The following LRBA variants were observed in gnomAD, a reference collection of about 807,000 sequenced individuals.
LRBA encodes lipopolysaccharide-responsive and beige-like anchor protein.
Under a neutral mutation model 330.0 loss-of-function variants are expected in LRBA, and 176 were observed. The observed-to-expected ratio is 0.53, with a 90% CI of 0.47 to 0.60. LRBA has a LOEUF of 0.60. Ranked by LOEUF, LRBA falls within the 20% of genes least tolerant of loss-of-function variation. LRBA has a pLI of 0.00. For synonymous variants in LRBA, 1,230 were observed against 1,193.0 expected, an observed-to-expected ratio of 1.03 and a Z score of -0.64; for missense variants, 3,259 against 3,444.8, an observed-to-expected ratio of 0.95 and a Z score of 1.35.
At chr4:150,563,253 CA>C (rs1720143337) in intron 40 of LRBA, among the ~76,000 whole-genome samples, 2 of 152,192 alleles carry the variant, frequency 1.3e-5, no homozygotes, top group Middle Eastern at 3.4e-3. Flanking sequence ...TGTTTTTACA[CA>C]AATCAATAAA....
At chr4:150,335,603 G>A (rs1451806663) in intron 48 of LRBA, among the ~76,000 whole-genome samples, 3 of 151,002 alleles carry the variant, frequency 2.0e-5, no homozygotes, top group African/African-American at 7.3e-5. Flanking sequence ...CACATACTAA[G>A]CTATCAGTAA....
chr4:150,292,900 C>G (rs542601316), intron 53 of LRBA, among the ~76,000 whole-genome samples: 1 of 152,148 alleles, frequency 6.6e-6, no homozygotes, highest in South Asian at 2.1e-4. Context: ...CAATAATTAA[C>G]ATGCTTAAAG....
At chr4:150,948,888 G>T (rs975560058) in intron 2 of LRBA, among the ~76,000 whole-genome samples, 2 of 151,764 alleles carry the variant, frequency 1.3e-5, no homozygotes, top group African/African-American at 4.8e-5. Context: ...GACCACAGTG[G>T]ATATCACTAT....
At chr4:150,812,939 C>T (rs761504999) in intron 31 of LRBA, among the ~76,000 whole-genome samples, 2 of 152,048 alleles carry the variant, frequency 1.3e-5, no homozygotes, top group Non-Finnish European at 2.9e-5. Flanking sequence ...GGAAGGATCA[C>T]TTGAAGCCAG....
intron 37 of LRBA, among the ~76,000 whole-genome samples, chr4:150,657,732 C>A (rs1780351761): frequency 6.6e-6 from 1 of 151,942 alleles, no homozygotes; most frequent in African/African-American, 2.4e-5. Context: ...TATTAAAAAA[C>A]TGAGATTTTT....
intron 36 of LRBA, 48 bp downstream of exon 36, chr4:150,735,210 T>C (rs537930090): frequency 7.7e-7 from 1 of 1,303,908 alleles, no homozygotes; most frequent in South Asian, 1.2e-5. Context: ...CTCATGATTA[T>C]CATTAAAAAA....
chr4:150,492,479 T>C (rs937124638), intron 40 of LRBA, among the ~76,000 whole-genome samples: 21 of 152,122 alleles, frequency 1.4e-4, no homozygotes, highest in Admixed American at 7.2e-4. Context: ...CTCTCAGAGA[T>C]TGCATGTATC....
intron 36 of LRBA, among the ~76,000 whole-genome samples, chr4:150,706,022 A>T (rs1162308493): frequency 6.6e-6 from 1 of 152,044 alleles, no homozygotes; most frequent in Admixed American, 6.6e-5. Flanking sequence ...TATCTGCAGA[A>T]GATGTGAGTG....
intron 34 of LRBA, among the ~76,000 whole-genome samples, chr4:150,781,417 C>T (rs980196196): frequency 4.6e-5 from 7 of 152,132 alleles, no homozygotes; most frequent in Non-Finnish European, 7.4e-5. Flanking sequence ...ATTCTAATGC[C>T]GCTGCTGATC....
At chr4:150,893,726 A>G (rs1474404530) in intron 16 of LRBA, among the ~76,000 whole-genome samples, 2 of 151,684 alleles carry the variant, frequency 1.3e-5, no homozygotes, top group African/African-American at 4.8e-5. Flanking sequence ...CCCAGGCTGG[A>G]GTTCAGTGGC....
At chr4:150,389,176 G>T (rs1056498152) in intron 47 of LRBA, among the ~76,000 whole-genome samples, 3 of 151,876 alleles carry the variant, frequency 2.0e-5, no homozygotes, top group Non-Finnish European at 4.4e-5. Context: ...GTAAATTTAG[G>T]GCTAGGAAAA....
intron 21 of LRBA, 78 bp from the exon 22 acceptor site, chr4:150,867,941 T>C: frequency 8.2e-7 from 1 of 1,216,950 alleles, no homozygotes; most frequent in Non-Finnish European, 1.1e-6. Context: ...TAAAACAAAA[T>C]AACCCTGCCC....
Position 150,302,619 on chromosome 4 carries a change from A to C in LRBA, c.8017+6T>G. On this transcript the variant is annotated splice_donor_region_variant and intron_variant, in intron 53 of 56. Transcript: ENST00000651943. ...AAAGTTTACTTAAAAAATGAGTCATACTTACTGCCTGGGTTATCTCCAATC... is the reference window on the plus strand; with the variant it reads ...AAAGTTTACTTAAAAAATGAGTCATCCTTACTGCCTGGGTTATCTCCAATC... 1 of 1,597,478 alleles carries C rather than the reference A, an allele frequency of 6.3e-7. No individual in the cohort carries two copies.
At chr4:150,522,002 T>C (rs2152170845) in intron 40 of LRBA, among the ~76,000 whole-genome samples, 1 of 152,360 alleles carries the variant, frequency 6.6e-6, no homozygotes, top group Admixed American at 6.5e-5. Flanking sequence ...ATCTCTATTA[T>C]TTGATGGTAT....
At chr4:150,518,277 T>C (rs571873860) in intron 40 of LRBA, among the ~76,000 whole-genome samples, 2 of 152,322 alleles carry the variant, frequency 1.3e-5, no homozygotes, top group Non-Finnish European at 2.9e-5. Flanking sequence ...AGTGTGGATA[T>C]GCTAGACAAA....
chr4:150,958,126 C>T (rs1737737877), intron 2 of LRBA, among the ~76,000 whole-genome samples: 1 of 149,156 alleles, frequency 6.7e-6, no homozygotes, highest in Non-Finnish European at 1.5e-5. Context: ...TTGTACCCCA[C>T]ATTTCCCTTC....
At position 150,492,175 on chromosome 4, in the gene LRBA, G is replaced by GAA. The variant is rs34558110; in HGVS notation, c.6331-1142_6331-1141dup. The stretch of plus-strand genomic sequence containing the variant: ...CTCCAGTGCAGAATGTAGTTTTTTT[G>GAA]AAAAAAAAAAAAAAGAGTAACAAAC... On this transcript the variant is annotated intron_variant, in intron 40 of 56. Coordinates refer to ENST00000651943, the MANE Select transcript of LRBA (RefSeq NM_001364905.1). Among the ~76,000 whole-genome samples the GAA allele has an allele frequency of 8.9e-3, 1,202 of 135,362 alleles. 5 individuals carry two copies. Among genetic ancestry groups the GAA allele is most frequent in the South Asian group, 0.011 (48 of 4,316 alleles). The allele number at this position is 135,362 out of a possible 152,430, so 88.8% of individuals were successfully genotyped here.
At chr4:150,655,922 C>T (rs1396345351) in intron 37 of LRBA, among the ~76,000 whole-genome samples, 1 of 152,126 alleles carries the variant, frequency 6.6e-6, no homozygotes, top group Admixed American at 6.6e-5. Context: ...GGGTATTTAT[C>T]GCCAACTGCC....
chr4:150,513,161 G>C, intron 40 of LRBA, among the ~76,000 whole-genome samples: 1 of 152,190 alleles, frequency 6.6e-6, no homozygotes, highest in Non-Finnish European at 1.5e-5. Flanking sequence ...TGGATGGAAA[G>C]ACCACCTCAA....
Sources: gnomAD v4.1 joint callset for allele counts (sites outside exome capture counted in the v4.1 genomes callset) on GRCh38, gnomAD v4.1.1 for gene constraint, MANE v1.5 for transcripts, NCBI Gene and HGNC (gene_info 2026-07-23, HGNC 2026-07-21) for gene names.